The following ARHGAP10 variants were observed in gnomAD, a reference collection of about 807,000 sequenced individuals.
ARHGAP10 encodes Rho GTPase activating protein 10, also known as rho GTPase-activating protein 10.
ARHGAP10 carries 87 observed loss-of-function variants against 108.6 expected under a neutral mutation model. That is an observed-to-expected ratio of 0.80 (90% CI 0.67 to 0.96). The LOEUF is 0.96. Among genes scored for constraint, ARHGAP10 ranks in the 40% least tolerant of loss-of-function variants. The pLI, the probability that ARHGAP10 is intolerant of heterozygous loss-of-function variation, is 0.00. For missense variants in ARHGAP10, 939 were observed against 954.5 expected, an observed-to-expected ratio of 0.98 and a Z score of 0.21; for synonymous variants, 347 against 341.1, an observed-to-expected ratio of 1.02 and a Z score of -0.19.
At chr4:147,839,025 G>A (rs552373426) in intron 3 of ARHGAP10, among the ~76,000 whole-genome samples, 63 of 152,198 alleles carry the variant, frequency 4.1e-4, no homozygotes, top group African/African-American at 1.4e-3. Context: ...ACTCTTACAC[G>A]AGGCAAGTTC....
chr4:147,732,503 T>TGGGGGAGCCTCTCTCGGCA (rs1560729019), intron 1 of ARHGAP10, 48 bp downstream of exon 1: 2 of 1,600,828 alleles, frequency 1.2e-6, no homozygotes, highest in Non-Finnish European at 8.5e-7. Context: ...GCGAGGCGGC[T>TGGGGGAGCCTCTCTCGGCA]GGGGGAGCCT....
chr4:147,874,188 C>T (rs1015335431), intron 7 of ARHGAP10, among the ~76,000 whole-genome samples: 7 of 152,150 alleles, frequency 4.6e-5, no homozygotes, highest in Non-Finnish European at 1.0e-4. Flanking sequence ...GGAGAAATTT[C>T]AATAATAATT....
At chr4:147,866,604 T>G in intron 6 of ARHGAP10, 108 bp from the exon 7 acceptor site, 1 of 726,750 alleles carries the variant, frequency 1.4e-6, no homozygotes, top group South Asian at 1.9e-5. Flanking sequence ...TCAGTTTATT[T>G]CAGTGGAATA....
intron 3 of ARHGAP10, among the ~76,000 whole-genome samples, chr4:147,842,946 C>T (rs1181338159): frequency 6.6e-6 from 1 of 152,228 alleles, no homozygotes; most frequent in Non-Finnish European, 1.5e-5. Flanking sequence ...GAAGTGTTGT[C>T]TCATTTGTAA....
chr4:147,913,212 C>A, intron 13 of ARHGAP10, 73 bp downstream of exon 13: 1 of 1,378,256 alleles, frequency 7.3e-7, no homozygotes, highest in Non-Finnish European at 1.0e-6. Context: ...AAAAATACTT[C>A]TTGCTTTTAA....
chr4:147,897,214 C>T (rs1736029459), intron 10 of ARHGAP10, among the ~76,000 whole-genome samples: 1 of 151,254 alleles, frequency 6.6e-6, no homozygotes, highest in Non-Finnish European at 1.5e-5. Flanking sequence ...AATATGCTAG[C>T]CATTGCTTTT....
At chr4:147,936,813 A>G (rs1451466597) in intron 13 of ARHGAP10, among the ~76,000 whole-genome samples, 2 of 152,208 alleles carry the variant, frequency 1.3e-5, no homozygotes, top group African/African-American at 4.8e-5. Flanking sequence ...ATAAAGTATC[A>G]CAGGCTGGGT....
intron 1 of ARHGAP10, among the ~76,000 whole-genome samples, chr4:147,766,716 T>C (rs943260750): frequency 5.5e-5 from 8 of 145,550 alleles, no homozygotes; most frequent in Non-Finnish European, 1.1e-4. Flanking sequence ...TCAAAAAATA[T>C]ATATAATATA....
chr4:147,975,424 A>G (rs565604956), intron 18 of ARHGAP10, among the ~76,000 whole-genome samples: 107 of 152,288 alleles, frequency 7.0e-4, no homozygotes, highest in African/African-American at 2.4e-3. Flanking sequence ...CTTAGTCTGT[A>G]TTGTGTTGCT....
chr4:148,040,144 C>T (rs1216511074), intron 19 of ARHGAP10, among the ~76,000 whole-genome samples: 4 of 152,148 alleles, frequency 2.6e-5, no homozygotes, highest in African/African-American at 7.2e-5. Flanking sequence ...CTATTATTGC[C>T]AGCACAATGT....
intron 14 of ARHGAP10, among the ~76,000 whole-genome samples, chr4:147,945,727 T>C (rs996033659): frequency 4.6e-5 from 7 of 152,194 alleles, no homozygotes; most frequent in Admixed American, 3.3e-4. Flanking sequence ...CCACCCTCGG[T>C]TTTCTGTGTC....
At chr4:148,028,949 G>GT (rs1229316886) in intron 19 of ARHGAP10, among the ~76,000 whole-genome samples, 1 of 152,160 alleles carries the variant, frequency 6.6e-6, no homozygotes, top group African/African-American at 2.4e-5. Flanking sequence ...TTTATCTTCA[G>GT]TTTTTTCCTT....
intron 4 of ARHGAP10, among the ~76,000 whole-genome samples, chr4:147,848,091 G>T (rs1311358562): frequency 2.1e-5 from 3 of 145,930 alleles, no homozygotes; most frequent in South Asian, 2.1e-4. Context: ...GGGGATGTGA[G>T]TTTTTTTTTT....
intron 20 of ARHGAP10, among the ~76,000 whole-genome samples, chr4:148,051,482 A>C (rs1249874942): frequency 6.6e-6 from 1 of 152,192 alleles, no homozygotes; most frequent in African/African-American, 2.4e-5. Context: ...GGGCATTGCT[A>C]TCTGCTTCCT....
chr4:147,770,391 G>A (rs1275461484), intron 1 of ARHGAP10, among the ~76,000 whole-genome samples: 2 of 152,138 alleles, frequency 1.3e-5, no homozygotes, highest in African/African-American at 4.8e-5. Context: ...TGGGCATGGT[G>A]GTGGGCGCCT....
chr4:147,824,678 C>T (rs1732635106), intron 3 of ARHGAP10, among the ~76,000 whole-genome samples: 1 of 152,070 alleles, frequency 6.6e-6, no homozygotes, highest in South Asian at 2.1e-4. Context: ...GGGGAAATGC[C>T]AGATGCTTAT....
intron 3 of ARHGAP10, among the ~76,000 whole-genome samples, chr4:147,840,480 T>C (rs1384821668): frequency 6.6e-6 from 1 of 152,140 alleles, no homozygotes; most frequent in Non-Finnish European, 1.5e-5. Context: ...CAGTTGGAAA[T>C]GGCTGTTTTA....
chr4:147,959,629 G>A (rs1265369782), intron 16 of ARHGAP10, among the ~76,000 whole-genome samples: 1 of 151,878 alleles, frequency 6.6e-6, no homozygotes, highest in Non-Finnish European at 1.5e-5. Context: ...TTGGTTTTCT[G>A]TCCTTGCGAT....
rs62330671 is a variant in ARHGAP10, at chr4:147,766,820, A to T, written c.154+34365A>T. Among the ~76,000 whole-genome samples the T allele has an allele frequency of 1.8e-4, 2 of 11,402 alleles. 1 individual carries two copies. The allele number at this position is 11,402 out of a possible 152,430, so 7.5% of individuals were successfully genotyped here. On this transcript the variant is annotated intron_variant, in intron 1 of 22. Transcript: ENST00000336498. ...TTCACATATATATATATATATATAT[A>T]TATATATATATATATATATTTATTT...
Sources: allele counts gnomAD v4.1 joint callset (sites outside exome capture counted in the v4.1 genomes callset), GRCh38; gene constraint gnomAD v4.1.1; transcripts MANE v1.5; gene names NCBI Gene and HGNC (gene_info 2026-07-23, HGNC 2026-07-21).